The following FNDC3B variants were observed in gnomAD, a reference collection of about 807,000 sequenced individuals.
FNDC3B encodes the protein fibronectin type III domain containing 3B, also known as fibronectin type III domain-containing protein 3B.
FNDC3B carries 12 observed loss-of-function variants against 151.5 expected under a neutral mutation model. The observed-to-expected ratio is 0.08, with a 90% CI of 0.05 to 0.13. The LOEUF (loss-of-function observed/expected upper bound fraction) is 0.13, where lower values mean the gene tolerates loss of function less well. FNDC3B is among the 10% of genes least tolerant of loss of function. The pLI is 1.00. For synonymous variants in FNDC3B, 528 were observed against 549.0 expected (o/e 0.96, Z 0.54); for missense variants, 1,214 against 1,505.3 (o/e 0.81, Z 3.20).
chr3:172,050,525 A>G (rs1353205278), intron 1 of FNDC3B, among the ~76,000 whole-genome samples: 9 of 152,044 alleles, frequency 5.9e-5, no homozygotes, highest in Admixed American at 4.6e-4. Flanking sequence ...CTGGGATTAC[A>G]GGCACGTGCC....
Position 172,043,315 on chromosome 3 carries a change from A to G in FNDC3B, c.-29+3544A>G, listed in dbSNP as rs1479866065. On this transcript the variant is annotated intron_variant, in intron 1 of 25. Coordinates refer to ENST00000415807, the MANE Select transcript of FNDC3B (RefSeq NM_022763.4). ...AAAGTGTAGAACTTTTTGACTCCCA[A>G]ATCTTTCACATGTAGCTTGGTCATA... Among the ~76,000 whole-genome samples the G allele has an allele frequency of 2.0e-5, 3 of 151,814 alleles. No homozygotes were observed. In the South Asian group the frequency reaches 6.3e-4, roughly 32 times the overall value.
At chr3:172,332,955 T>C in intron 13 of FNDC3B, 134 bp from the exon 14 acceptor site, 1 of 728,010 alleles carries the variant, frequency 1.4e-6, no homozygotes, top group Non-Finnish European at 2.5e-6. Context: ...ATTTTTCTCT[T>C]TTGCGGTAGC....
chr3:172,109,461 G>A (rs551512039), intron 1 of FNDC3B, among the ~76,000 whole-genome samples: 6 of 152,214 alleles, frequency 3.9e-5, no homozygotes, highest in East Asian at 3.9e-4. Context: ...CCCCGCGCCC[G>A]GCCGAAGGCC....
chr3:172,126,749 C>T (rs1015598291), intron 2 of FNDC3B, among the ~76,000 whole-genome samples: 1 of 152,124 alleles, frequency 6.6e-6, no homozygotes, highest in South Asian at 2.1e-4. Context: ...AAAACTGAGC[C>T]GGAGAGGGTC....
intron 1 of FNDC3B, among the ~76,000 whole-genome samples, chr3:172,085,048 G>A (rs1718481276): frequency 6.6e-6 from 1 of 152,064 alleles, no homozygotes; most frequent in African/African-American, 2.4e-5. Flanking sequence ...ATCAACATGT[G>A]GTAAATACGT....
At chr3:172,115,357 GAT>G (rs1320695746) in intron 2 of FNDC3B, among the ~76,000 whole-genome samples, 4 of 151,894 alleles carry the variant, frequency 2.6e-5, no homozygotes, top group African/African-American at 9.7e-5. Context: ...AAAGGGGAGA[GAT>G]AGAGGGCCAT....
At chr3:172,274,829 G>T (rs1362093320) in intron 6 of FNDC3B, among the ~76,000 whole-genome samples, 1 of 152,136 alleles carries the variant, frequency 6.6e-6, no homozygotes, top group East Asian at 1.9e-4. Context: ...GTCTGCATCC[G>T]AATTTCCTCC....
At position 172,374,199 on chromosome 3, in the gene FNDC3B, C is replaced by T. The variant is rs138736232; in HGVS notation, c.3009-4071C>T. Among the ~76,000 whole-genome samples the T allele has an allele frequency of 2.3e-3, 352 of 152,300 alleles. 3 individuals carry two copies. Among genetic ancestry groups the T allele is most frequent in the African/African-American group, 8.2e-3 (341 of 41,570 alleles). ...GAGGCCAACATGGCAGCCTGCTCTG[C>T]AGGGTTGCCTCTTACCATGCGGCTG... On this transcript the variant is annotated intron_variant, in intron 23 of 25. Transcript: ENST00000415807.
chr3:172,324,731 G>A (rs1444681881), intron 11 of FNDC3B, among the ~76,000 whole-genome samples: 1 of 152,186 alleles, frequency 6.6e-6, no homozygotes, highest in Non-Finnish European at 1.5e-5. Context: ...AACTGGCTGG[G>A]GTTATATTGG....
intron 6 of FNDC3B, among the ~76,000 whole-genome samples, chr3:172,280,707 G>A (rs1313857418): frequency 1.3e-5 from 2 of 151,218 alleles, no homozygotes; most frequent in African/African-American, 2.5e-5. Context: ...AGGAAAAAAT[G>A]TGAAATAAAC....
intron 11 of FNDC3B, among the ~76,000 whole-genome samples, chr3:172,323,925 G>A (rs1457175736): frequency 6.6e-6 from 1 of 152,164 alleles, no homozygotes; most frequent in Non-Finnish European, 1.5e-5. Context: ...AGTATTCTAA[G>A]CGTTACTAGG....
chr3:172,243,842 G>GCAT (rs1727631197), intron 4 of FNDC3B, among the ~76,000 whole-genome samples: 1 of 152,162 alleles, frequency 6.6e-6, no homozygotes, highest in Non-Finnish European at 1.5e-5. Context: ...AAGGTAGTGA[G>GCAT]CATCAGAACG....
chr3:172,080,440 T>TAA lies in FNDC3B; in HGVS notation c.-28-32010_-28-32009dup, dbSNP rs749640301. Among the ~76,000 whole-genome samples the TAA allele has an allele frequency of 9.6e-4, 80 of 83,714 alleles. No individual in the cohort carries two copies. The South Asian group carries it at 0.018, about 19-fold the overall frequency. The allele number at this position is 83,714 out of a possible 152,430, so 54.9% of individuals were successfully genotyped here. ...TATGTATTACCATGCCTGGCTAATT[T>TAA]AAATTTTTTTTTTTTTCTAGAGATG... is the stretch of plus-strand genomic sequence containing the variant. On this transcript the variant is annotated intron_variant, in intron 1 of 25. Transcript: ENST00000415807.
intron 1 of FNDC3B, among the ~76,000 whole-genome samples, chr3:172,088,931 G>C (rs954036104): frequency 6.6e-6 from 1 of 152,092 alleles, no homozygotes; most frequent in Non-Finnish European, 1.5e-5. Flanking sequence ...TCAACTGTAA[G>C]ATTTTAAAAT....
intron 4 of FNDC3B, among the ~76,000 whole-genome samples, chr3:172,234,522 T>C (rs537901602): frequency 6.6e-6 from 1 of 152,348 alleles, no homozygotes; most frequent in South Asian, 2.1e-4. Context: ...TTCATATTAT[T>C]CCTTAACAGG....
At chr3:172,127,349 C>T (rs1720852736) in intron 2 of FNDC3B, among the ~76,000 whole-genome samples, 1 of 152,160 alleles carries the variant, frequency 6.6e-6, no homozygotes, top group African/African-American at 2.4e-5. Flanking sequence ...GAAACCACGC[C>T]TAGTAGAGGG....
chr3:172,153,420 C>CAG (rs1722331738), intron 3 of FNDC3B, among the ~76,000 whole-genome samples: 2 of 152,156 alleles, frequency 1.3e-5, no homozygotes, highest in South Asian at 4.1e-4. Context: ...GCATGTGCTG[C>CAG]ACGCTGCCTT....
intron 3 of FNDC3B, among the ~76,000 whole-genome samples, chr3:172,146,301 G>A (rs1279162508): frequency 6.6e-6 from 1 of 152,070 alleles, no homozygotes; most frequent in African/African-American, 2.4e-5. Flanking sequence ...ATATGCCCAA[G>A]GAAAAGGACA....
At chr3:172,235,618 G>A (rs1049914521) in intron 4 of FNDC3B, among the ~76,000 whole-genome samples, 2 of 152,160 alleles carry the variant, frequency 1.3e-5, no homozygotes, top group African/African-American at 2.4e-5. Context: ...CCAAACATGG[G>A]CTCTACCCTG....
Sources: gnomAD v4.1 joint callset for allele counts (sites outside exome capture counted in the v4.1 genomes callset) on GRCh38, gnomAD v4.1.1 for gene constraint, MANE v1.5 for transcripts, NCBI Gene and HGNC (gene_info 2026-07-23, HGNC 2026-07-21) for gene names.